The following CNTNAP5 variants were observed in gnomAD, a reference collection of about 807,000 sequenced individuals.
CNTNAP5 encodes the protein contactin-associated protein-like 5.
Under a neutral mutation model 150.2 loss-of-function variants are expected in CNTNAP5, and 72 were observed. The observed-to-expected ratio is 0.48, with a 90% CI of 0.40 to 0.58. The LOEUF (loss-of-function observed/expected upper bound fraction) is 0.58, where lower values mean the gene tolerates loss of function less well. Ranked by LOEUF, CNTNAP5 falls within the 20% of genes least tolerant of loss-of-function variation. CNTNAP5 has a pLI of 0.00. For synonymous variants in CNTNAP5, 672 were observed against 619.8 expected (o/e 1.08, Z -1.25); for missense variants, 1,636 against 1,626.2 (o/e 1.01, Z -0.10).
intron 10 of CNTNAP5, among the ~76,000 whole-genome samples, chr2:124,533,546 C>A (rs147111804): frequency 8.7e-4 from 133 of 152,240 alleles, no homozygotes; most frequent in African/African-American, 3.1e-3. Flanking sequence ...ATGGTTCCTG[C>A]CCCCACCTAG....
chr2:124,735,560 GT>G (rs1680365329), intron 13 of CNTNAP5, among the ~76,000 whole-genome samples: 2 of 152,024 alleles, frequency 1.3e-5, no homozygotes, highest in Admixed American at 6.6e-5. Context: ...ATGATCTGTA[GT>G]TTTACCAATG....
At chr2:124,829,817 G>T (rs776895169) in intron 19 of CNTNAP5, among the ~76,000 whole-genome samples, 9 of 151,762 alleles carry the variant, frequency 5.9e-5, no homozygotes, top group African/African-American at 7.3e-5. Context: ...TATGATGAAA[G>T]TTCCCAGTTG....
chr2:124,270,493 G>A (rs1687719954), intron 3 of CNTNAP5, among the ~76,000 whole-genome samples: 1 of 152,178 alleles, frequency 6.6e-6, no homozygotes. Context: ...CTGGCAGGAG[G>A]TGAGTGTGTA....
chr2:124,702,927 C>T (rs1257307138), intron 13 of CNTNAP5, among the ~76,000 whole-genome samples: 1 of 152,162 alleles, frequency 6.6e-6, no homozygotes, highest in Non-Finnish European at 1.5e-5. Context: ...ATTTCTGGAA[C>T]ATAACCATCT....
chr2:124,375,408 G>C (rs2104731657), intron 3 of CNTNAP5, among the ~76,000 whole-genome samples: 1 of 152,148 alleles, frequency 6.6e-6, no homozygotes, highest in South Asian at 2.1e-4. Context: ...TGGCCTTCTT[G>C]CCAAGAATGT....
At chr2:124,104,253 C>A (rs1209737426) in intron 1 of CNTNAP5, among the ~76,000 whole-genome samples, 2 of 152,000 alleles carry the variant, frequency 1.3e-5, no homozygotes, top group Non-Finnish European at 2.9e-5. Context: ...CACATTCCAT[C>A]ATCAACTCCA....
chr2:124,869,619 A>C (rs1157672744), intron 20 of CNTNAP5, 56 bp from the exon 21 acceptor site: 14 of 1,155,448 alleles, frequency 1.2e-5, no homozygotes, highest in Non-Finnish European at 1.6e-5. Context: ...GGATCGTTTT[A>C]TGCTTCTTAC....
At chr2:124,414,256 C>T (rs187911073) in intron 3 of CNTNAP5, among the ~76,000 whole-genome samples, 37 of 152,072 alleles carry the variant, frequency 2.4e-4, no homozygotes, top group East Asian at 7.7e-4. Context: ...GCTATTCATC[C>T]GGCACATAAC....
At chr2:124,083,593 AG>A (rs2104677527) in intron 1 of CNTNAP5, among the ~76,000 whole-genome samples, 1 of 152,110 alleles carries the variant, frequency 6.6e-6, no homozygotes, top group Admixed American at 6.5e-5. Flanking sequence ...ATTGCTTTTG[AG>A]TTGTCAAAAA....
intron 13 of CNTNAP5, among the ~76,000 whole-genome samples, chr2:124,673,096 A>T (rs1031580978): frequency 6.6e-6 from 1 of 152,180 alleles, no homozygotes; most frequent in Non-Finnish European, 1.5e-5. Context: ...TGCAAAATGT[A>T]AATTGTGTGC....
At chr2:124,087,933 T>C (rs1011754738) in intron 1 of CNTNAP5, among the ~76,000 whole-genome samples, 16 of 152,182 alleles carry the variant, frequency 1.1e-4, no homozygotes, top group Admixed American at 1.3e-4. Context: ...TATGGATTCA[T>C]TGGGGTCGAT....
intron 19 of CNTNAP5, among the ~76,000 whole-genome samples, chr2:124,843,474 C>T (rs1172460403): frequency 3.9e-5 from 6 of 152,152 alleles, no homozygotes; most frequent in Admixed American, 2.0e-4. Context: ...CTGCTATAAA[C>T]ATGCATGTGC....
chr2:124,713,534 C>T (rs1034829146), intron 13 of CNTNAP5, among the ~76,000 whole-genome samples: 1 of 151,436 alleles, frequency 6.6e-6, no homozygotes, highest in African/African-American at 2.4e-5. Flanking sequence ...CATCACCAGG[C>T]TTTTCTAATT....
chr2:124,052,261 T>C (rs1389910739), intron 1 of CNTNAP5, among the ~76,000 whole-genome samples: 2 of 152,212 alleles, frequency 1.3e-5, no homozygotes, highest in Non-Finnish European at 2.9e-5. Flanking sequence ...AGTTACTTTA[T>C]TGAAAGTCTT....
intron 2 of CNTNAP5, among the ~76,000 whole-genome samples, chr2:124,228,216 G>T (rs1360824603): frequency 1.3e-5 from 2 of 152,118 alleles, no homozygotes; most frequent in African/African-American, 2.4e-5. Flanking sequence ...AGGAAGAAAA[G>T]AAGATGAATA....
At chr2:124,539,217 A>G (rs951658676) in intron 10 of CNTNAP5, among the ~76,000 whole-genome samples, 4 of 152,202 alleles carry the variant, frequency 2.6e-5, no homozygotes, top group African/African-American at 9.6e-5. Context: ...AATTAGCTCT[A>G]TGCTACTTAC....
chr2:124,904,714 T>C (rs780749293), intron 22 of CNTNAP5, among the ~76,000 whole-genome samples: 2 of 152,064 alleles, frequency 1.3e-5, no homozygotes, highest in Non-Finnish European at 2.9e-5. Flanking sequence ...TTATACCATA[T>C]AAAAATTAAC....
At chr2:124,542,183 G>C (rs565813097) in intron 10 of CNTNAP5, among the ~76,000 whole-genome samples, 1 of 151,008 alleles carries the variant, frequency 6.6e-6, no homozygotes, top group East Asian at 2.0e-4. Context: ...AAGTCCTCCT[G>C]CTTGACTTTT....
At chr2:124,210,281 G>A (rs780715426) in intron 1 of CNTNAP5, among the ~76,000 whole-genome samples, 3 of 152,102 alleles carry the variant, frequency 2.0e-5, no homozygotes, top group South Asian at 2.1e-4. Flanking sequence ...CTTTAAATAT[G>A]ATTTGGAAGT....
Sources: gnomAD v4.1 joint callset for allele counts (sites outside exome capture counted in the v4.1 genomes callset) on GRCh38, gnomAD v4.1.1 for gene constraint, MANE v1.5 for transcripts, NCBI Gene and HGNC (gene_info 2026-07-23, HGNC 2026-07-21) for gene names.